Variants in GPC5 observed in about 807,000 individuals in gnomAD.
GPC5 encodes the protein glypican-5.
A neutral mutation model predicts 53.9 loss-of-function variants in GPC5; 47 were observed. The ratio of observed to expected loss-of-function variants is 0.87; its 90% CI spans 0.69 to 1.11. The LOEUF (loss-of-function observed/expected upper bound fraction) is 1.11. Among genes scored for constraint, GPC5 ranks in the 50% most tolerant of loss-of-function variants. GPC5 has a pLI of 0.00. For missense variants in GPC5, 748 were observed against 713.1 expected, an observed-to-expected ratio of 1.05 and a Z score of -0.56; for synonymous variants, 286 against 263.3, an observed-to-expected ratio of 1.09 and a Z score of -0.84.
rs147941317 is a variant in GPC5 at position 92,518,145 on chromosome 13, C to T, written c.1562-348137C>T. Among the ~76,000 whole-genome samples, 57 of 152,266 alleles carry T rather than the reference C, an allele frequency of 3.7e-4. No homozygotes were observed. The East Asian group carries it at 7.0e-3, about 19-fold the overall frequency. On this transcript the variant is annotated intron_variant, in intron 7 of 7. Transcript: ENST00000377067. Reference sequence around the variant, plus strand: ...GGACTCTGTGAAAAGACCAAATCTACGTCTGATTGTTGTCCCTGAAAGTGA... The same window carrying T: ...GGACTCTGTGAAAAGACCAAATCTATGTCTGATTGTTGTCCCTGAAAGTGA...
At chr13:92,255,478 C>T (rs560382886) in intron 7 of GPC5, among the ~76,000 whole-genome samples, 1 of 152,022 alleles carries the variant, frequency 6.6e-6, no homozygotes, top group African/African-American at 2.4e-5. Context: ...ATTTATGTAT[C>T]TAGATGTATA....
intron 2 of GPC5, among the ~76,000 whole-genome samples, chr13:91,513,381 TTTAG>T (rs1271149381): frequency 1.3e-5 from 2 of 151,928 alleles, no homozygotes; most frequent in Non-Finnish European, 2.9e-5. Context: ...TGTGTGTGTA[TTTAG>T]TTGTGTGCAA....
At chr13:92,169,887 G>A (rs7327975) in intron 7 of GPC5, among the ~76,000 whole-genome samples, 1,928 of 152,128 alleles carry the variant, frequency 0.013, 54 homozygotes, top group African/African-American at 0.043. Context: ...GTTACTTGGT[G>A]TGTGTTGTTC....
chr13:92,045,422 T>C (rs1343396459), intron 6 of GPC5, among the ~76,000 whole-genome samples: 1 of 152,144 alleles, frequency 6.6e-6, no homozygotes, highest in African/African-American at 2.4e-5. Flanking sequence ...TAAACAGTGG[T>C]AAGGAGAAGG....
intron 6 of GPC5, among the ~76,000 whole-genome samples, chr13:92,108,086 CTT>C (rs1331725318): frequency 2.6e-5 from 4 of 152,164 alleles, no homozygotes; most frequent in Non-Finnish European, 5.9e-5. Flanking sequence ...AACCCAGCCA[CTT>C]TGTTCCATTA....
At chr13:92,594,921 A>G (rs1883821639) in intron 7 of GPC5, among the ~76,000 whole-genome samples, 1 of 152,204 alleles carries the variant, frequency 6.6e-6, no homozygotes, top group Admixed American at 6.5e-5. Context: ...AATGTGTACA[A>G]ATATTATTGT....
intron 6 of GPC5, among the ~76,000 whole-genome samples, chr13:91,944,126 G>C (rs2039953518): frequency 6.6e-6 from 1 of 150,998 alleles, no homozygotes; most frequent in Admixed American, 6.6e-5. Context: ...GACTGAGTCT[G>C]GCTCTGTCGC....
At chr13:91,486,731 G>C (rs555545747) in intron 2 of GPC5, 2 of 152,310 alleles carry the variant, frequency 1.3e-5, no homozygotes, top group South Asian at 4.1e-4. Flanking sequence ...TAAGCAGGAA[G>C]GATGAGGATG....
intron 7 of GPC5, among the ~76,000 whole-genome samples, chr13:92,670,466 T>C (rs2139204253): frequency 6.6e-6 from 1 of 152,352 alleles, no homozygotes; most frequent in Admixed American, 6.5e-5. Flanking sequence ...TCTCACCAGC[T>C]TGTGTTTTGA....
chr13:92,585,976 G>T (rs1029210732), intron 7 of GPC5, among the ~76,000 whole-genome samples: 2 of 152,184 alleles, frequency 1.3e-5, no homozygotes, highest in African/African-American at 4.8e-5. Flanking sequence ...AATTGCCCAG[G>T]CTTGGGTATG....
chr13:92,104,914 C>T (rs1469455287), intron 6 of GPC5, among the ~76,000 whole-genome samples: 1 of 152,046 alleles, frequency 6.6e-6, no homozygotes, highest in Non-Finnish European at 1.5e-5. Context: ...ATGACAACCC[C>T]ATCATCTTCT....
At chr13:91,584,835 TCC>T (rs2032501552) in intron 2 of GPC5, among the ~76,000 whole-genome samples, 1 of 152,154 alleles carries the variant, frequency 6.6e-6, no homozygotes, top group Non-Finnish European at 1.5e-5. Flanking sequence ...CCGCCCGGTC[TCC>T]CAAAGTGCTG....
At chr13:91,970,357 G>T (rs1187151581) in intron 6 of GPC5, among the ~76,000 whole-genome samples, 1 of 152,056 alleles carries the variant, frequency 6.6e-6, no homozygotes, top group African/African-American at 2.4e-5. Flanking sequence ...AAGTTCTGGA[G>T]ATCTAATGTA....
At position 91,893,928 on chromosome 13, in the gene GPC5, G is replaced by A. The variant is rs549960251; in HGVS notation, c.1281-14009G>A. Among the ~76,000 whole-genome samples, 154 of 151,030 alleles carry A rather than the reference G, an allele frequency of 1.0e-3. 1 individual carries two copies. The Middle Eastern group carries it at 0.02, about 20-fold the overall frequency. The stretch of plus-strand genomic sequence containing the variant: ...TTACTTAACTAGTCTATGAGGGCAA[G>A]AAAGCATTTTACCAGGTTTTTTTTT... On this transcript the variant is annotated intron_variant, in intron 5 of 7. Coordinates refer to ENST00000377067, the MANE Select transcript of GPC5 (RefSeq NM_004466.6).
intron 5 of GPC5, among the ~76,000 whole-genome samples, chr13:91,906,036 C>T (rs140680886): frequency 6.6e-6 from 1 of 151,952 alleles, no homozygotes; most frequent in East Asian, 1.9e-4. Context: ...TCCCTCACCC[C>T]CCCTGCCAAC....
intron 7 of GPC5, among the ~76,000 whole-genome samples, chr13:92,415,371 C>T (rs1285969562): frequency 6.6e-6 from 1 of 151,984 alleles, no homozygotes; most frequent in African/African-American, 2.4e-5. Context: ...GAGCAATGGT[C>T]AAGCCAGGAA....
intron 7 of GPC5, among the ~76,000 whole-genome samples, chr13:92,150,873 T>A (rs2041902288): frequency 6.8e-6 from 1 of 146,202 alleles, no homozygotes; most frequent in Admixed American, 7.1e-5. Flanking sequence ...AGTGTAACTA[T>A]ATGATCAATA....
rs565776409 is a variant in GPC5, at chr13:92,102,903, C to G, written c.1402-41927C>G. 9.8e-4 allele frequency among the ~76,000 whole-genome samples: 149 copies of G among 152,278 alleles called. 3 individuals are homozygous for G. The South Asian group carries it at 0.03, about 30-fold the overall frequency. ...TAGGGGAGAAGCAGGATCTCTGTCA[C>G]CAAGGCTGGAAAGCAGTGACACCAG... is the stretch of plus-strand genomic sequence containing the variant. On this transcript the variant is annotated intron_variant, in intron 6 of 7. Transcript: ENST00000377067.
rs1358016015 is a variant in GPC5 at position 92,724,903 on chromosome 13, C to CACACACACACACAG, written c.1562-141370_1562-141369insCACAGACACACACA. On this transcript the variant is annotated intron_variant, in intron 7 of 7. Coordinates refer to ENST00000377067, the MANE Select transcript of GPC5 (RefSeq NM_004466.6). Reference sequence around the variant, plus strand: ...ACACACACACACACACACACACACACACACACACAAGAAAGAAAAAACAAG... The same window carrying CACACACACACACAG: ...ACACACACACACACACACACACACACACACACACACACAGACACACACAAGAAAGAAAAAACAAG... Among the ~76,000 whole-genome samples, 124 of 150,052 alleles carry CACACACACACACAG rather than the reference C, an allele frequency of 8.3e-4. 1 individual carries two copies. The highest frequency in any genetic ancestry group is 3.0e-3 in the African/African-American group (122 of 40,820).
Sources: gnomAD v4.1 joint callset for allele counts (sites outside exome capture counted in the v4.1 genomes callset) on GRCh38, gnomAD v4.1.1 for gene constraint, MANE v1.5 for transcripts, NCBI Gene and HGNC (gene_info 2026-07-23, HGNC 2026-07-21) for gene names.